The following CFAP69 variants were observed in gnomAD, a reference collection of about 807,000 sequenced individuals.
CFAP69 encodes the protein cilia- and flagella-associated protein 69.
A neutral mutation model predicts 123.0 loss-of-function variants in CFAP69; 92 were observed. The ratio of observed to expected loss-of-function variants is 0.75; its 90% CI spans 0.63 to 0.89. The LOEUF (loss-of-function observed/expected upper bound fraction) is 0.89, where lower values mean the gene tolerates loss of function less well. Among genes scored for constraint, CFAP69 ranks in the 40% least tolerant of loss-of-function variants. The probability of loss-of-function intolerance (pLI) is 0.00; values close to 1 mark genes in which losing one functional copy is unlikely to be tolerated. For missense variants in CFAP69, 1,067 were observed against 1,096.9 expected (o/e 0.97, Z 0.39); for synonymous variants, 380 against 364.3 (o/e 1.04, Z -0.49).
intron 14 of CFAP69, chr7:90,287,551 A>G: frequency 2.0e-6 from 2 of 985,278 alleles, no homozygotes; most frequent in South Asian, 9.4e-5. Context: ...AATGTTAAAT[A>G]GCAAGGGATG....
At chr7:90,303,476 A>G (rs1204663660) in intron 17 of CFAP69, 1 of 726,494 alleles carries the variant, frequency 1.4e-6, no homozygotes, top group Non-Finnish European at 1.7e-6. Flanking sequence ...ATTTTTAGAT[A>G]TGTTTCCTTA....
intron 13 of CFAP69, 99 bp downstream of exon 13, chr7:90,283,155 A>T: frequency 1.2e-6 from 1 of 859,416 alleles, no homozygotes; most frequent in East Asian, 3.3e-5. Context: ...TGTCTTTATG[A>T]CTGAGAAATT....
At chr7:90,287,175 T>C (rs941906980) in intron 14 of CFAP69, among the ~76,000 whole-genome samples, 2 of 152,140 alleles carry the variant, frequency 1.3e-5, no homozygotes, top group Non-Finnish European at 2.9e-5. Flanking sequence ...AGTATTCCAT[T>C]GTGTGACTAT....
chr7:90,300,161 A>G, intron 17 of CFAP69, 102 bp downstream of exon 17: 2 of 1,122,594 alleles, frequency 1.8e-6, no homozygotes, highest in Non-Finnish European at 2.2e-6. Flanking sequence ...CCCTTTGTCT[A>G]AAGTTTTTTT....
intron 3 of CFAP69, among the ~76,000 whole-genome samples, chr7:90,261,593 G>C (rs894143888): frequency 6.6e-6 from 1 of 152,050 alleles, no homozygotes; most frequent in South Asian, 2.1e-4. Flanking sequence ...AAGATGAAGG[G>C]TATAATTGAG....
At chr7:90,319,148 A>G in the CFAP69 span, 1 of 384,998 alleles carries the variant, frequency 2.6e-6, no homozygotes, top group Non-Finnish European at 4.6e-6. Context: ...ATATTCCAAG[A>G]TCATTTAAAA....
intron 17 of CFAP69, chr7:90,302,536 A>G (rs113624065): frequency 1.3e-5 from 2 of 152,192 alleles, no homozygotes; most frequent in African/African-American, 4.8e-5. Context: ...AATTTTCTGC[A>G]TATGGCTGGC....
intron 5 of CFAP69, 29 bp downstream of exon 5, chr7:90,265,406 G>A: frequency 6.8e-7 from 1 of 1,462,796 alleles, no homozygotes; most frequent in African/African-American, 1.4e-5. Flanking sequence ...AAGGTATAGG[G>A]ATGTAACATA....
intron 9 of CFAP69, among the ~76,000 whole-genome samples, chr7:90,276,764 A>T (rs1311213309): frequency 6.6e-6 from 1 of 152,206 alleles, no homozygotes; most frequent in Admixed American, 6.5e-5. Context: ...AACTATAAAG[A>T]CCTAATATAC....
intron 14 of CFAP69, chr7:90,287,697 A>G: frequency 1.0e-6 from 1 of 985,570 alleles, no homozygotes; most frequent in Non-Finnish European, 1.2e-6. Context: ...TGGAAAAATA[A>G]TCATAATCTT....
intron 21 of CFAP69, among the ~76,000 whole-genome samples, chr7:90,308,061 A>T (rs1793866559): frequency 6.6e-6 from 1 of 152,196 alleles, no homozygotes; most frequent in Non-Finnish European, 1.5e-5. Context: ...CATTTGGTTT[A>T]TCAGGGAGAA....
At chr7:90,263,781 T>C (rs1204613225) in intron 4 of CFAP69, among the ~76,000 whole-genome samples, 1 of 152,090 alleles carries the variant, frequency 6.6e-6, no homozygotes, top group African/African-American at 2.4e-5. Flanking sequence ...CAACTACTTC[T>C]TTAATTTTTC....
chr7:90,250,385 G>A (rs1317890208), intron 1 of CFAP69, among the ~76,000 whole-genome samples: 3 of 152,132 alleles, frequency 2.0e-5, no homozygotes, highest in South Asian at 4.1e-4. Flanking sequence ...CATTAAGAGG[G>A]ATAATAGTGC....
chr7:90,248,543 A>G (rs780158645), intron 1 of CFAP69, among the ~76,000 whole-genome samples: 10 of 152,226 alleles, frequency 6.6e-5, no homozygotes, highest in Non-Finnish European at 1.5e-4. Context: ...TGATAGAATT[A>G]TGGAAAATGT....
At chr7:90,307,931 T>A (rs1793849581) in intron 21 of CFAP69, 77 bp downstream of exon 21, 1 of 909,458 alleles carries the variant, frequency 1.1e-6, no homozygotes, top group African/African-American at 1.7e-5. Context: ...GAACAAATAT[T>A]CATTCATTTT....
downstream of CFAP69, among the ~76,000 whole-genome samples, chr7:90,313,055 A>G (rs1335055241): frequency 6.6e-6 from 1 of 152,210 alleles, no homozygotes; most frequent in African/African-American, 2.4e-5. Context: ...TGGCATCATC[A>G]GTCTGCCTTA....
chr7:90,291,111 C>T (rs1357667912), intron 15 of CFAP69, among the ~76,000 whole-genome samples: 1 of 152,052 alleles, frequency 6.6e-6, no homozygotes. Context: ...GGAAAGAATT[C>T]AGGATGAGTC....
At chr7:90,297,010 G>A (rs578246146) in intron 15 of CFAP69, among the ~76,000 whole-genome samples, 1 of 152,260 alleles carries the variant, frequency 6.6e-6, no homozygotes, top group African/African-American at 2.4e-5. Flanking sequence ...ACTTGGACAG[G>A]GGAGGGGATT....
At chr7:90,303,544 C>T in intron 17 of CFAP69, 1 of 952,988 alleles carries the variant, frequency 1.0e-6, no homozygotes, top group Non-Finnish European at 1.2e-6. Context: ...TATCTTCAAT[C>T]CATTTTTATT....
Sources: allele counts gnomAD v4.1 joint callset (sites outside exome capture counted in the v4.1 genomes callset), GRCh38; gene constraint gnomAD v4.1.1; transcripts MANE v1.5; gene names NCBI Gene and HGNC (gene_info 2026-07-23, HGNC 2026-07-21).